SLC25A26: variants seen among roughly 807,000 people sequenced by gnomAD.
The protein encoded by SLC25A26 is solute carrier family 25 member 26, also known as mitochondrial S-adenosylmethionine carrier protein.
Under a neutral mutation model 37.8 loss-of-function variants are expected in SLC25A26, and 36 were observed. The ratio of observed to expected loss-of-function variants is 0.95; its 90% CI spans 0.73 to 1.26. SLC25A26 has a LOEUF of 1.26. SLC25A26 is among the 50% of genes most tolerant of loss of function. The probability of loss-of-function intolerance (pLI) is 0.00; values close to 1 mark genes in which losing one functional copy is unlikely to be tolerated. For synonymous variants in SLC25A26, 129 were observed against 122.5 expected, an observed-to-expected ratio of 1.05 and a Z score of -0.35; for missense variants, 390 against 331.1, an observed-to-expected ratio of 1.18 and a Z score of -1.38.
At chr3:66,344,910 A>T (rs1459458333) in intron 5 of SLC25A26, among the ~76,000 whole-genome samples, 3 of 152,172 alleles carry the variant, frequency 2.0e-5, no homozygotes, top group East Asian at 1.9e-4. Context: ...CTTACCTCCT[A>T]ACTGCCTTTA....
intron 1 of SLC25A26, among the ~76,000 whole-genome samples, chr3:66,181,947 C>G (rs913688890): frequency 6.6e-6 from 1 of 152,124 alleles, no homozygotes; most frequent in African/African-American, 2.4e-5. Context: ...TGCCCGTGTG[C>G]CCACATTTGG....
At chr3:66,376,389 T>G (rs1700650656) in intron 9 of SLC25A26, among the ~76,000 whole-genome samples, 1 of 152,138 alleles carries the variant, frequency 6.6e-6, no homozygotes, top group Non-Finnish European at 1.5e-5. Flanking sequence ...AGTCCATCAA[T>G]GCAACAATTA....
chr3:66,284,869 T>C (rs1220703258), intron 5 of SLC25A26, among the ~76,000 whole-genome samples: 1 of 152,230 alleles, frequency 6.6e-6, no homozygotes, highest in African/African-American at 2.4e-5. Flanking sequence ...AAAAATTCAT[T>C]GAGCTATTTT....
chr3:66,292,365 A>G (rs1014507513), intron 5 of SLC25A26, among the ~76,000 whole-genome samples: 4 of 151,668 alleles, frequency 2.6e-5, no homozygotes, highest in African/African-American at 7.3e-5. Context: ...AAAATAACCT[A>G]TTAATTGATG....
intron 1 of SLC25A26, among the ~76,000 whole-genome samples, chr3:66,209,749 T>C (rs1039969200): frequency 7.2e-6 from 1 of 138,776 alleles, no homozygotes; most frequent in African/African-American, 2.6e-5. Context: ...TGGATATATA[T>C]ATACAACTTT....
rs958171492 is a variant in SLC25A26, at chr3:66,296,393, T to C, written c.453+33014T>C. 3.9e-5 allele frequency among the ~76,000 whole-genome samples: 6 copies of C among 152,230 alleles called. No homozygotes were observed. The East Asian group carries it at 5.8e-4, about 15-fold the overall frequency. On this transcript the variant is annotated intron_variant, in intron 5 of 9. Coordinates refer to ENST00000354883, the MANE Select transcript of SLC25A26 (RefSeq NM_001379210.1). ...ATCTCAGATACTTAAAATCAAGTTATTTTATTTTCCTGATATACATGCATT... is the reference window on the plus strand; with the variant it reads ...ATCTCAGATACTTAAAATCAAGTTACTTTATTTTCCTGATATACATGCATT...
intron 5 of SLC25A26, among the ~76,000 whole-genome samples, chr3:66,325,759 G>T (rs945146514): frequency 6.6e-6 from 1 of 152,196 alleles, no homozygotes; most frequent in African/African-American, 2.4e-5. Context: ...AGCGCATGCA[G>T]GGCCTCCAAG....
At chr3:66,143,612 A>G (rs2070069801) in intron 1 of SLC25A26, among the ~76,000 whole-genome samples, 1 of 152,220 alleles carries the variant, frequency 6.6e-6, no homozygotes, top group East Asian at 1.9e-4. Context: ...GGCTGGGAAC[A>G]GTGGTTCACG....
chr3:66,339,445 AG>A, intron 5 of SLC25A26, among the ~76,000 whole-genome samples: 1 of 152,002 alleles, frequency 6.6e-6, no homozygotes, highest in Non-Finnish European at 1.5e-5. Context: ...TTTGAAGAAG[AG>A]CCATACTGTT....
chr3:66,184,708 C>T, intron 1 of SLC25A26, among the ~76,000 whole-genome samples: 1 of 48,466 alleles, frequency 2.1e-5, no homozygotes, highest in East Asian at 4.1e-4. Context: ...CTCTTGCTCT[C>T]ATCTTGTGTC....
At chr3:66,280,184 G>A (rs11128157) in intron 5 of SLC25A26, among the ~76,000 whole-genome samples, 1 of 152,084 alleles carries the variant, frequency 6.6e-6, no homozygotes, top group African/African-American at 2.4e-5. Context: ...GACACCAAAG[G>A]TCTGGTATAT....
chr3:66,269,820 T>C (rs2073892256), intron 5 of SLC25A26, among the ~76,000 whole-genome samples: 1 of 152,216 alleles, frequency 6.6e-6, no homozygotes. Context: ...TTGTTTTCTT[T>C]GATTTACCTT....
chr3:66,362,794 C>A, intron 6 of SLC25A26, 66 bp from the exon 7 acceptor site: 2 of 1,138,680 alleles, frequency 1.8e-6, no homozygotes, highest in Non-Finnish European at 2.5e-6. Flanking sequence ...CCAGAGCTAA[C>A]CCACAGGAGG....
chr3:66,320,689 T>C (rs1436409485), intron 5 of SLC25A26, among the ~76,000 whole-genome samples: 1 of 152,326 alleles, frequency 6.6e-6, no homozygotes, highest in East Asian at 1.9e-4. Flanking sequence ...CTGCACCATT[T>C]ACACTCCCAC....
chr3:66,206,897 T>TC (rs1404008766), intron 1 of SLC25A26, among the ~76,000 whole-genome samples: 7 of 143,972 alleles, frequency 4.9e-5, no homozygotes, highest in East Asian at 4.1e-4. Context: ...TTTCTTTCTT[T>TC]TTTTTTTTTT....
At chr3:66,267,038 G>T (rs1202239681) in intron 5 of SLC25A26, among the ~76,000 whole-genome samples, 2 of 152,176 alleles carry the variant, frequency 1.3e-5, no homozygotes, top group Admixed American at 1.3e-4. Context: ...TGCCTACTGG[G>T]TCTTGGGGCA....
At chr3:66,267,601 A>C (rs1176654994) in intron 5 of SLC25A26, among the ~76,000 whole-genome samples, 1 of 152,204 alleles carries the variant, frequency 6.6e-6, no homozygotes, top group East Asian at 1.9e-4. Context: ...CCCAATGGCA[A>C]GATGTAGCCA....
chr3:66,378,592 CACA>C lies in SLC25A26; in HGVS notation c.*786_*788del, dbSNP rs1700821861. The C allele has an allele frequency of 6.6e-6, 1 of 152,450 alleles. No individual in the cohort carries two copies. The highest frequency in any genetic ancestry group is 2.1e-4 in the South Asian group (1 of 4,828). The allele number at this position is 152,450 out of a possible 1,614,324, so 9.4% of individuals were successfully genotyped here. Reference sequence around the variant, plus strand: ...AGGCAGGATGAAATGGAAAGGTCACCACACTTAGGGATTTTAGACCTTGACTAA... The same window carrying C: ...AGGCAGGATGAAATGGAAAGGTCACCCTTAGGGATTTTAGACCTTGACTAA... On this transcript the variant is annotated 3_prime_UTR_variant, in exon 10 of 10. Coordinates refer to ENST00000354883, the MANE Select transcript of SLC25A26 (RefSeq NM_001379210.1).
In SLC25A26 at chr3:66,236,702, T is replaced by TA. The variant is rs1427099289; in HGVS notation, c.190+8dup. ...CTGCTATTGGATCCTTTCCTAATGG[T>TA]AAAAAATTATATTCTCACTTCTGTA... On this transcript the variant is annotated splice_region_variant and intron_variant, in intron 2 of 9. Transcript: ENST00000354883. The TA allele has an allele frequency of 4.7e-6, 7 of 1,504,864 alleles. No individual in the cohort carries two copies. The South Asian group carries it at 7.4e-5, about 16-fold the overall frequency. The allele number at this position is 1,504,864 out of a possible 1,614,324, so 93.2% of individuals were successfully genotyped here.
Sources: allele counts gnomAD v4.1 joint callset (sites outside exome capture counted in the v4.1 genomes callset), GRCh38; gene constraint gnomAD v4.1.1; transcripts MANE v1.5; gene names NCBI Gene and HGNC (gene_info 2026-07-23, HGNC 2026-07-21).